ATP2A1: variants seen among roughly 807,000 people sequenced by gnomAD.
ATP2A1 encodes the protein ATPase sarcoplasmic/endoplasmic reticulum Ca2+ transporting 1, also known as sarcoplasmic/endoplasmic reticulum calcium ATPase 1.
In ATP2A1, 83 loss-of-function variants were observed where a neutral mutation model predicts 109.5. The observed-to-expected ratio is 0.76, with a 90% CI of 0.63 to 0.91. The LOEUF (loss-of-function observed/expected upper bound fraction) is 0.91. ATP2A1 is among the 40% of genes least tolerant of loss of function. The probability of loss-of-function intolerance (pLI) is 0.00; values close to 1 mark genes in which losing one functional copy is unlikely to be tolerated. For missense variants in ATP2A1, 1,101 were observed against 1,341.0 expected (o/e 0.82, Z 2.80); for synonymous variants, 505 against 537.6 (o/e 0.94, Z 0.84).
rs768317646 is a variant in ATP2A1, at chr16:28,884,645, C to T, written c.534C>T (p.Ser178=). Residue 178 remains serine (S), a synonymous_variant, in exon 6 of 23, where the codon TCC becomes TCT. Transcript: ENST00000395503. ...CCACCACGCTGCGGGTTGACCAGTC[C>T]ATCCTGACAGGTCTGCTGGCCTGGG... ...IKSTTLRVDQ[S]ILTGESVSVI... 1 of 1,612,784 alleles carries T rather than the reference C, an allele frequency of 6.2e-7. No individual in the cohort carries two copies. Among genetic ancestry groups the T allele is most frequent in the Admixed American group, 1.7e-5 (1 of 59,974 alleles).
chr16:28,898,593 G>A lies in ATP2A1; in HGVS notation c.1764+142G>A, dbSNP rs1963982879. 6.2e-5 allele frequency: 63 copies of A among 1,010,566 alleles called. 1 individual carries two copies. In the South Asian group the frequency reaches 9.2e-4, roughly 15 times the overall value. The allele number at this position is 1,010,566 out of a possible 1,614,324, so 62.6% of individuals were successfully genotyped here. On this transcript the variant is annotated intron_variant, in intron 14 of 22. Transcript: ENST00000395503. This position sits in a 1 kb window ranked among gnomAD's most constrained non-coding sequence, Gnocchi z 4.0. The stretch of plus-strand genomic sequence containing the variant: ...CCTTAGTACAGGCCATGGAATCACA[G>A]GACAGTAGAGTTTCAGAGAACCTTG...
At chr16:28,884,547 A>G in intron 5 of ATP2A1, 28 bp from the exon 6 acceptor site, 102 of 1,532,646 alleles carry the variant, frequency 6.7e-5, no homozygotes, top group Non-Finnish European at 8.4e-5. Flanking sequence ...TTCCCAAGTG[A>G]CCTCCCTCTT....
At position 28,898,549 on chromosome 16, in the gene ATP2A1, G is replaced by A. The variant is rs1047973953; in HGVS notation, c.1764+98G>A. On this transcript the variant is annotated intron_variant, in intron 14 of 22. Coordinates refer to ENST00000395503, the MANE Select transcript of ATP2A1 (RefSeq NM_004320.6). This position sits in a 1 kb window ranked among gnomAD's most constrained non-coding sequence, Gnocchi z 4.0. ...CACCACCCGGATCATTTCCTACCTC[G>A]TCAGTCAAGTTGATGGCTCCTTAGT... The A allele has an allele frequency of 3.8e-5, 51 of 1,359,620 alleles. No individual in the cohort carries two copies. The African/African-American group carries it at 4.6e-4, about 12-fold the overall frequency. 84.2% of individuals were successfully genotyped at this position (1,359,620 alleles called of 1,614,324 possible).
chr16:28,900,996 G>A, intron 15 of ATP2A1, 80 bp downstream of exon 15: 3 of 1,553,002 alleles, frequency 1.9e-6, no homozygotes, highest in Non-Finnish European at 2.7e-6. Flanking sequence ...GGGGCCCAGG[G>A]CCAGAGGGCC....
intron 9 of ATP2A1, among the ~76,000 whole-genome samples, chr16:28,889,571 T>G (rs1963711904): frequency 6.6e-6 from 1 of 152,162 alleles, no homozygotes. Flanking sequence ...CTTCCTTTTT[T>G]AGAGGAGGAA....
At position 28,898,803 on chromosome 16, in the gene ATP2A1, T is replaced by C. The variant is rs1333977246; in HGVS notation, c.1764+352T>C. On this transcript the variant is annotated intron_variant, in intron 14 of 22. Coordinates refer to ENST00000395503, the MANE Select transcript of ATP2A1 (RefSeq NM_004320.6). This position sits in a 1 kb window ranked among gnomAD's most constrained non-coding sequence, Gnocchi z 4.0. ...ATAGGGGTCTGGGTAAAAAGTAAAA[T>C]ACATTTTTAAAAATGTTAAAAGAAA... is the stretch of plus-strand genomic sequence containing the variant. Among the ~76,000 whole-genome samples, 1 of 152,008 alleles carries C rather than the reference T, an allele frequency of 6.6e-6. No homozygotes were observed. Among genetic ancestry groups the C allele is most frequent in the South Asian group, 2.1e-4 (1 of 4,820 alleles).
chr16:28,896,029 C>T (rs1963908814), intron 12 of ATP2A1, among the ~76,000 whole-genome samples: 2 of 152,040 alleles, frequency 1.3e-5, no homozygotes, highest in Admixed American at 6.6e-5. Context: ...GGTGTGATCA[C>T]AGCGCACTGC....
At position 28,903,902 on chromosome 16, in the gene ATP2A1, C is replaced by G; in HGVS notation, c.*37+161C>G. The G allele has an allele frequency of 1.3e-6, 1 of 796,580 alleles. No homozygotes were observed. Among genetic ancestry groups the G allele is most frequent in the South Asian group, 1.5e-5 (1 of 66,378 alleles). The allele number at this position is 796,580 out of a possible 1,614,324, so 49.3% of individuals were successfully genotyped here. A position where few individuals can be genotyped will look rare whatever the true frequency, so the allele number is the denominator to read the frequency against. On this transcript the variant is annotated intron_variant, in intron 22 of 22. Coordinates refer to ENST00000395503, the MANE Select transcript of ATP2A1 (RefSeq NM_004320.6). This position sits in a 1 kb window ranked among gnomAD's most constrained non-coding sequence, Gnocchi z 5.6. The stretch of plus-strand genomic sequence containing the variant: ...CTTCCAGTCAGGGTGGGCCGCTGGC[C>G]TCCCACTGGGCGTCAGTTTGGCTCC...
intron 9 of ATP2A1, chr16:28,892,479 G>C (rs1963798159): frequency 1.1e-5 from 2 of 185,200 alleles, no homozygotes; most frequent in Non-Finnish European, 2.4e-5. Flanking sequence ...CACAACATCT[G>C]CTGCTATTTG....
intron 12 of ATP2A1, among the ~76,000 whole-genome samples, chr16:28,895,326 A>T (rs1963887428): frequency 6.6e-6 from 1 of 152,188 alleles, no homozygotes; most frequent in South Asian, 2.1e-4. Context: ...GGATTTGGGA[A>T]ATGTGGCTAC....
chr16:28,888,368 G>A (rs921574605), intron 8 of ATP2A1, among the ~76,000 whole-genome samples: 4 of 151,872 alleles, frequency 2.6e-5, no homozygotes, highest in African/African-American at 9.7e-5. Flanking sequence ...AACATTTACA[G>A]GCTCCAGGGA....
At chr16:28,897,692 A>G (rs555888367) in intron 12 of ATP2A1, among the ~76,000 whole-genome samples, 70 of 152,092 alleles carry the variant, frequency 4.6e-4, no homozygotes, top group Non-Finnish European at 9.3e-4. Context: ...CTGGTCTCGA[A>G]CTCCTGACCT....
Position 28,879,702 on chromosome 16 carries a change from G to C in ATP2A1, c.219+119G>C, listed in dbSNP as rs1472765322. On this transcript the variant is annotated intron_variant, in intron 3 of 22. Transcript: ENST00000395503. ...GTCCCGAGCATCCCATTGTACAGACGGGGCGGGCTGGCGCGCAGCAGCGGG... is the reference window on the plus strand; with the variant it reads ...GTCCCGAGCATCCCATTGTACAGACCGGGCGGGCTGGCGCGCAGCAGCGGG... 6.7e-6 allele frequency: 8 copies of C among 1,200,790 alleles called. No homozygotes were observed. In the East Asian group the frequency reaches 1.8e-4, roughly 27 times the overall value. 74.4% of individuals were successfully genotyped at this position (1,200,790 alleles called of 1,614,324 possible).
chr16:28,893,563 T>C lies in ATP2A1; in HGVS notation c.1096-592T>C, dbSNP rs570300510. Among the ~76,000 whole-genome samples, 13 of 152,150 alleles carry C rather than the reference T, an allele frequency of 8.5e-5. No individual in the cohort carries two copies. In the East Asian group the frequency reaches 2.1e-3, roughly 25 times the overall value. ...GGGCTGTTTGCCACAGTCCCCACCA[T>C]ACCTTATTGTGTTCCATCTTATTTT... On this transcript the variant is annotated intron_variant, in intron 9 of 22. Transcript: ENST00000395503.
Position 28,898,778 on chromosome 16 carries a change from A to G in ATP2A1, c.1764+327A>G, listed in dbSNP as rs1596682736. 6.6e-6 allele frequency among the ~76,000 whole-genome samples: 1 copy of G among 152,042 alleles called. No homozygotes were observed. The highest frequency in any genetic ancestry group is 1.5e-5 in the Non-Finnish European group (1 of 68,024). On this transcript the variant is annotated intron_variant, in intron 14 of 22. Transcript: ENST00000395503. The surrounding 1 kb of genome is among the most constrained non-coding windows in gnomAD (Gnocchi z 4.0). ...TTTTTTTAATTACCTGGTTAAATTC[A>G]TAGGGGTCTGGGTAAAAAGTAAAAT...
intron 12 of ATP2A1, among the ~76,000 whole-genome samples, chr16:28,895,543 G>A (rs772654847): frequency 2.0e-5 from 3 of 151,868 alleles, no homozygotes; most frequent in East Asian, 1.9e-4. Flanking sequence ...ACAAAAAAGC[G>A]GGCCAGACAC....
At chr16:28,901,565 G>C (rs554954065) in intron 15 of ATP2A1, among the ~76,000 whole-genome samples, 1 of 152,002 alleles carries the variant, frequency 6.6e-6, no homozygotes, top group African/African-American at 2.4e-5. Context: ...CCTGGGAGGC[G>C]GAGGTTGCAG....
intron 14 of ATP2A1, 104 bp from the exon 15 acceptor site, chr16:28,900,477 A>ACAT: frequency 5.5e-6 from 2 of 360,984 alleles, no homozygotes; most frequent in Non-Finnish European, 8.5e-6. Flanking sequence ...ACCCCTCCCC[A>ACAT]CCACTTCCTG....
chr16:28,888,990 G>C, intron 9 of ATP2A1, 37 bp downstream of exon 9: 3 of 1,612,464 alleles, frequency 1.9e-6, no homozygotes, highest in Non-Finnish European at 8.5e-7. Flanking sequence ...CAGTCAGAAG[G>C]CTGCCTGTGG....
Sources: gnomAD v4.1 joint callset for allele counts (sites outside exome capture counted in the v4.1 genomes callset) on GRCh38, gnomAD v4.1.1 for gene constraint, Gnocchi (gnomAD v3.1) non-coding constraint, MANE v1.5 for transcripts, NCBI Gene and HGNC (gene_info 2026-07-23, HGNC 2026-07-21) for gene names.